PDE7A: variants seen among roughly 807,000 people sequenced by gnomAD.
The protein encoded by PDE7A is high affinity 3',5'-cyclic-AMP phosphodiesterase 7A.
Under a neutral mutation model 64.3 loss-of-function variants are expected in PDE7A, and 39 were observed. The ratio of observed to expected loss-of-function variants is 0.61; its 90% confidence interval spans 0.47 to 0.79. PDE7A has a LOEUF of 0.79. PDE7A is among the 30% of genes least tolerant of loss of function. PDE7A has a pLI of 0.00. For missense variants in PDE7A, 470 were observed against 582.8 expected (o/e 0.81, Z 1.99); for synonymous variants, 203 against 206.8 (o/e 0.98, Z 0.16).
At chr8:65,830,999 T>C (rs1810804965) in intron 1 of PDE7A, among the ~76,000 whole-genome samples, 1 of 152,128 alleles carries the variant, frequency 6.6e-6, no homozygotes, top group African/African-American at 2.4e-5. Context: ...TATTTTTTAA[T>C]GAATGAACTG....
intron 3 of PDE7A, among the ~76,000 whole-genome samples, chr8:65,763,827 C>T (rs1808632223): frequency 6.6e-6 from 1 of 152,194 alleles, no homozygotes; most frequent in African/African-American, 2.4e-5. Context: ...ATGTCACCAA[C>T]TTGCCAAAGC....
chr8:65,767,720 G>A (rs973681869), intron 3 of PDE7A, among the ~76,000 whole-genome samples: 2 of 152,204 alleles, frequency 1.3e-5, no homozygotes, highest in African/African-American at 2.4e-5. Context: ...GTTTCTTGGA[G>A]GGTGGCGTCC....
intron 6 of PDE7A, 133 bp from the exon 7 acceptor site, chr8:65,735,027 G>A: frequency 1.6e-6 from 1 of 633,278 alleles, no homozygotes; most frequent in Non-Finnish European, 2.9e-6. Flanking sequence ...GATTCGGGCA[G>A]ATGATAATCA....
chr8:65,756,297 T>A (rs956989033), intron 3 of PDE7A, among the ~76,000 whole-genome samples: 1 of 152,250 alleles, frequency 6.6e-6, no homozygotes, highest in African/African-American at 2.4e-5. Flanking sequence ...TGCATATTCA[T>A]GTCTTCATCA....
chr8:65,777,174 G>C (rs536992398), intron 3 of PDE7A, among the ~76,000 whole-genome samples: 1 of 151,124 alleles, frequency 6.6e-6, no homozygotes, highest in Non-Finnish European at 1.5e-5. Context: ...CTGCCTCCTG[G>C]GTTCAAGCGA....
At chr8:65,724,183 GTTAT>G in intron 11 of PDE7A, 68 bp downstream of exon 11, 2 of 911,300 alleles carry the variant, frequency 2.2e-6, no homozygotes, top group Non-Finnish European at 3.6e-6. Flanking sequence ...AAATTATTGA[GTTAT>G]TTTATTCTTA....
intron 1 of PDE7A, among the ~76,000 whole-genome samples, chr8:65,799,679 T>G (rs948770416): frequency 6.6e-6 from 1 of 152,202 alleles, no homozygotes; most frequent in African/African-American, 2.4e-5. Context: ...AGTGGAAATA[T>G]TCACTCATGG....
At chr8:65,744,568 C>T (rs1807587816) in intron 5 of PDE7A, among the ~76,000 whole-genome samples, 1 of 152,188 alleles carries the variant, frequency 6.6e-6, no homozygotes, top group South Asian at 2.1e-4. Context: ...ACCACCCATA[C>T]TCTGTAGATT....
chr8:65,798,206 A>ATATATTTTTTTTTTT, intron 1 of PDE7A, among the ~76,000 whole-genome samples: 1 of 73,834 alleles, frequency 1.4e-5, no homozygotes, highest in Non-Finnish European at 2.5e-5. Context: ...ATATATATAT[A>ATATATTTTTTTTTTT]TTTTTTTTTT....
At chr8:65,814,397 G>C (rs1208284702) in intron 1 of PDE7A, among the ~76,000 whole-genome samples, 1 of 148,148 alleles carries the variant, frequency 6.8e-6, no homozygotes, top group African/African-American at 2.5e-5. Flanking sequence ...TGTAGTCCCA[G>C]CTACTTGGGA....
intron 1 of PDE7A, among the ~76,000 whole-genome samples, chr8:65,796,842 G>A (rs1161602229): frequency 1.2e-4 from 18 of 151,818 alleles, no homozygotes; most frequent in Admixed American, 6.6e-5. Context: ...ATACATTAAG[G>A]CCACAAAAAG....
intron 7 of PDE7A, among the ~76,000 whole-genome samples, chr8:65,732,540 T>C (rs1192165696): frequency 2.0e-5 from 3 of 152,122 alleles, no homozygotes; most frequent in Non-Finnish European, 4.4e-5. Context: ...TATCTATCTA[T>C]CTAAAGATAG....
intron 3 of PDE7A, among the ~76,000 whole-genome samples, chr8:65,771,706 C>T (rs947899600): frequency 6.6e-6 from 1 of 151,754 alleles, no homozygotes; most frequent in Admixed American, 6.6e-5. Flanking sequence ...GAAACCCCAT[C>T]TCTACTAAAA....
chr8:65,800,657 T>A (rs181232977), intron 1 of PDE7A, among the ~76,000 whole-genome samples: 2 of 152,310 alleles, frequency 1.3e-5, no homozygotes, highest in East Asian at 3.9e-4. Context: ...AGTTTGGTTC[T>A]ATAACATTCT....
intron 3 of PDE7A, among the ~76,000 whole-genome samples, chr8:65,774,975 C>A (rs79568023): frequency 1.3e-5 from 2 of 152,096 alleles, no homozygotes; most frequent in African/African-American, 2.4e-5. Flanking sequence ...CCTCACAGAC[C>A]GCACTTTAAG....
chr8:65,817,999 G>A (rs1296043218), intron 1 of PDE7A, among the ~76,000 whole-genome samples: 5 of 152,134 alleles, frequency 3.3e-5, no homozygotes, highest in Admixed American at 6.5e-5. Flanking sequence ...TGATCCGCCC[G>A]CCTCGGCCTC....
chr8:65,834,173 C>A (rs1280774796), intron 1 of PDE7A, among the ~76,000 whole-genome samples: 2 of 152,084 alleles, frequency 1.3e-5, no homozygotes, highest in Admixed American at 1.3e-4. Context: ...CTGAGACAGA[C>A]CAATCCCTCC....
rs913405237 is a variant in PDE7A at position 65,755,008 on chromosome 8, AT to A, written c.284-7206del. ...AAAATTCTTCCATCATTGCCTGTTTATTTTTTTTTTCACTTATTTTTTTTTT... is the reference window on the plus strand; with the variant it reads ...AAAATTCTTCCATCATTGCCTGTTTATTTTTTTTTCACTTATTTTTTTTTT... On this transcript the variant is annotated intron_variant, in intron 3 of 12. Coordinates refer to ENST00000401827, the MANE Select transcript of PDE7A (RefSeq NM_001242318.3). Among the ~76,000 whole-genome samples, 17 of 143,334 alleles carry A rather than the reference AT, an allele frequency of 1.2e-4. No individual in the cohort carries two copies. The East Asian group carries it at 2.4e-3, about 21-fold the overall frequency. The allele number at this position is 143,334 out of a possible 152,430, so 94.0% of individuals were successfully genotyped here.
rs149741139 is a variant in PDE7A, at chr8:65,767,479, G to A, written c.283+12241C>T. Among the ~76,000 whole-genome samples the A allele has an allele frequency of 1.2e-3, 185 of 152,272 alleles. 3 individuals carry two copies. Among genetic ancestry groups the A allele is most frequent in the East Asian group, 0.011 (57 of 5,188 alleles). On this transcript the variant is annotated intron_variant, in intron 3 of 12. Transcript: ENST00000401827. ...CCTTGTTACAGTCTTTTATTAAAACGTTGGGTGTGTTAGGCCTAAGGAAAC... is the reference window on the plus strand; with the variant it reads ...CCTTGTTACAGTCTTTTATTAAAACATTGGGTGTGTTAGGCCTAAGGAAAC...
Sources: gnomAD v4.1 joint callset for allele counts (sites outside exome capture counted in the v4.1 genomes callset) on GRCh38, gnomAD v4.1.1 for gene constraint, MANE v1.5 for transcripts, NCBI Gene and HGNC (gene_info 2026-07-23, HGNC 2026-07-21) for gene names.